The following FANCC variants were observed in gnomAD, a reference collection of about 807,000 sequenced individuals.
The protein encoded by FANCC is Fanconi anemia group C protein.
FANCC carries 55 observed loss-of-function variants against 71.3 expected under a neutral mutation model. The observed-to-expected ratio is 0.77, with a 90% CI of 0.62 to 0.97. The LOEUF (loss-of-function observed/expected upper bound fraction) is 0.97. Among genes scored for constraint, FANCC ranks in the 50% least tolerant of loss-of-function variants. The probability of loss-of-function intolerance (pLI) is 0.00; values close to 1 mark genes in which losing one functional copy is unlikely to be tolerated. For missense variants in FANCC, 678 were observed against 670.9 expected (o/e 1.01, Z -0.12); for synonymous variants, 275 against 244.9 (o/e 1.12, Z -1.15).
At chr9:95,284,933 G>A (rs1045338670) in intron 1 of FANCC, among the ~76,000 whole-genome samples, 1 of 151,218 alleles carries the variant, frequency 6.6e-6, no homozygotes, top group Non-Finnish European at 1.5e-5. Flanking sequence ...CGCACAGAGA[G>A]AGACACGCAC....
intron 1 of FANCC, among the ~76,000 whole-genome samples, chr9:95,295,345 C>G (rs1834299455): frequency 6.6e-6 from 1 of 151,698 alleles, no homozygotes; most frequent in African/African-American, 2.4e-5. Flanking sequence ...AGCTCAATAC[C>G]AAAACAAAAC....
chr9:95,246,587 A>G (rs1035797099), intron 3 of FANCC, among the ~76,000 whole-genome samples: 1 of 152,232 alleles, frequency 6.6e-6, no homozygotes, highest in Non-Finnish European at 1.5e-5. Flanking sequence ...AGGACAACAA[A>G]GAGAACTAAA....
rs2134455048 is a variant in FANCC, at chr9:95,107,125, G to A, written c.1474C>T (p.Leu492Phe). 2 of 1,614,214 alleles carry A rather than the reference G, an allele frequency of 1.2e-6. No individual in the cohort carries two copies. The highest frequency in any genetic ancestry group is 1.1e-5 in the South Asian group (1 of 91,082). Residue 492 changes from leucine (L) to phenylalanine (F), a missense_variant, in exon 14 of 15, where the codon CTC becomes TTC. Physicochemically the swap from Leu to Phe is conservative, Grantham distance 22. Coordinates refer to ENST00000289081, the MANE Select transcript of FANCC (RefSeq NM_000136.3). The part of the protein sequence containing the change: ...PAQQLIRHLL[L>F]NFLLWAPGGH... ...CCAGGAGCCCAGAGCAGGAAGTTGA[G>A]GAGAAGGTGCCTGATCAGCTGTTGT...
intron 4 of FANCC, among the ~76,000 whole-genome samples, chr9:95,201,772 C>T (rs1212917318): frequency 1.3e-5 from 2 of 152,146 alleles, no homozygotes; most frequent in South Asian, 2.1e-4. Context: ...AAGAAACAAA[C>T]ACCACACTCT....
At chr9:95,107,606 G>GAC (rs1815172260) in intron 13 of FANCC, 3 of 427,492 alleles carry the variant, frequency 7.0e-6, no homozygotes, top group Non-Finnish European at 1.3e-5. Flanking sequence ...GCTCCTTGAA[G>GAC]ACTCGCCTAT....
At chr9:95,225,238 T>C (rs976173315) in intron 4 of FANCC, among the ~76,000 whole-genome samples, 1 of 152,210 alleles carries the variant, frequency 6.6e-6, no homozygotes, top group Non-Finnish European at 1.5e-5. Flanking sequence ...ACATCCTCAC[T>C]AGTGGCTATT....
chr9:95,125,496 C>T (rs1825837289), intron 9 of FANCC, among the ~76,000 whole-genome samples: 1 of 152,174 alleles, frequency 6.6e-6, no homozygotes, highest in Non-Finnish European at 1.5e-5. Flanking sequence ...GGACACGCAA[C>T]ATCAACATTT....
chr9:95,148,601 G>A (rs1287345406), intron 7 of FANCC, among the ~76,000 whole-genome samples: 1 of 152,166 alleles, frequency 6.6e-6, no homozygotes, highest in African/African-American at 2.4e-5. Flanking sequence ...GCTCCATGGT[G>A]GCAGTAATGA....
At chr9:95,291,100 A>G (rs1049181591) in intron 1 of FANCC, among the ~76,000 whole-genome samples, 1 of 152,226 alleles carries the variant, frequency 6.6e-6, no homozygotes, top group African/African-American at 2.4e-5. Flanking sequence ...GCCATCTGTG[A>G]CAGACCCACA....
At chr9:95,151,840 GT>G (rs1479996730) in intron 6 of FANCC, among the ~76,000 whole-genome samples, 1 of 151,116 alleles carries the variant, frequency 6.6e-6, no homozygotes, top group African/African-American at 2.4e-5. Flanking sequence ...AGGTGGGAGG[GT>G]TGCTTGAGCC....
At chr9:95,142,886 C>G (rs1459216585) in intron 7 of FANCC, among the ~76,000 whole-genome samples, 2 of 152,098 alleles carry the variant, frequency 1.3e-5, no homozygotes, top group Non-Finnish European at 2.9e-5. Context: ...CCACACAAAC[C>G]AATGCTCCCA....
At chr9:95,228,577 T>C (rs1267346664) in intron 4 of FANCC, among the ~76,000 whole-genome samples, 1 of 152,192 alleles carries the variant, frequency 6.6e-6, no homozygotes, top group Non-Finnish European at 1.5e-5. Context: ...TCTGCACTCA[T>C]GGAACATGTA....
chr9:95,126,898 G>A (rs1197185438), intron 8 of FANCC: 5 of 346,042 alleles, frequency 1.4e-5, no homozygotes, highest in Admixed American at 8.3e-5. Context: ...CCCTCTGCCC[G>A]CATGCCGTGG....
chr9:95,197,316 T>C (rs1392811070), intron 4 of FANCC, among the ~76,000 whole-genome samples: 1 of 152,152 alleles, frequency 6.6e-6, no homozygotes, highest in East Asian at 1.9e-4. Context: ...GTAGGAGGAC[T>C]GTTTGAGCCC....
At chr9:95,294,561 A>C in intron 1 of FANCC, 1 of 1,539,156 alleles carries the variant, frequency 6.5e-7, no homozygotes, top group Non-Finnish European at 9.0e-7. Flanking sequence ...CAGAGACACA[A>C]ACTGAAGGAA....
intron 8 of FANCC, among the ~76,000 whole-genome samples, chr9:95,132,673 CTTTTA>C (rs1475479649): frequency 1.3e-5 from 2 of 152,096 alleles, no homozygotes; most frequent in Non-Finnish European, 2.9e-5. Context: ...GAAAACTTTT[CTTTTA>C]TTTTAGATGT....
rs559404196 is a variant in FANCC at position 95,289,812 on chromosome 9, G to A, written c.-79+27714C>T. On this transcript the variant is annotated intron_variant, in intron 1 of 14. Coordinates refer to ENST00000289081, the MANE Select transcript of FANCC (RefSeq NM_000136.3). ...ACTATAGGCACATGCCACCATGCCT[G>A]ACTAATCTGATATTATTTTTATTTT... Among the ~76,000 whole-genome samples, 36 of 152,062 alleles carry A rather than the reference G, an allele frequency of 2.4e-4. No homozygotes were observed. In the South Asian group the frequency reaches 7.5e-3, roughly 32 times the overall value.
At chr9:95,119,015 G>A (rs762418486) in intron 10 of FANCC, among the ~76,000 whole-genome samples, 103 of 152,036 alleles carry the variant, frequency 6.8e-4, no homozygotes, top group Non-Finnish European at 1.3e-3. Context: ...ACCATCTTAC[G>A]CCCACCAGCA....
At position 95,201,153 on chromosome 9, in the gene FANCC, T is replaced by G. The variant is rs78329391; in HGVS notation, c.346-29006A>C. On this transcript the variant is annotated intron_variant, in intron 4 of 14. Transcript: ENST00000289081. ...GTAGTATAAAGCATTTTAGGATAAT[T>G]TGACTTGCTTCCTTTTTAAACAACA... Among the ~76,000 whole-genome samples, 3 of 152,330 alleles carry G rather than the reference T, an allele frequency of 2.0e-5. No individual in the cohort carries two copies. In the South Asian group the frequency reaches 6.2e-4, roughly 32 times the overall value.
Sources: gnomAD v4.1 joint callset for allele counts (sites outside exome capture counted in the v4.1 genomes callset) on GRCh38, gnomAD v4.1.1 for gene constraint, MANE v1.5 for transcripts, NCBI Gene and HGNC (gene_info 2026-07-23, HGNC 2026-07-21) for gene names.